The following BRPF3 variants were observed in gnomAD, a reference collection of about 807,000 sequenced individuals.
BRPF3 encodes bromodomain and PHD finger-containing protein 3.
In BRPF3, 18 loss-of-function variants were observed where a neutral mutation model predicts 102.0. The ratio of observed to expected loss-of-function variants is 0.18; its 90% CI spans 0.12 to 0.26. The LOEUF (loss-of-function observed/expected upper bound fraction) is 0.26, where lower values mean the gene tolerates loss of function less well. BRPF3 is among the 10% of genes least tolerant of loss of function. The probability of loss-of-function intolerance (pLI) is 1.00; values close to 1 mark genes in which losing one functional copy is unlikely to be tolerated. For synonymous variants in BRPF3, 570 were observed against 614.2 expected, an observed-to-expected ratio of 0.93 and a Z score of 1.06; for missense variants, 1,147 against 1,567.8, an observed-to-expected ratio of 0.73 and a Z score of 4.53.
intron 1 of BRPF3, among the ~76,000 whole-genome samples, chr6:36,198,002 G>C (rs1767566262): frequency 6.6e-6 from 1 of 152,110 alleles, no homozygotes; most frequent in Non-Finnish European, 1.5e-5. Flanking sequence ...GGAGGCAGAT[G>C]TTCTCACCTC....
At position 36,214,121 on chromosome 6, in the gene BRPF3, C is replaced by T. The variant is rs1484303459; in HGVS notation, c.2724C>T (p.Ser908=). The T allele has an allele frequency of 1.2e-6, 2 of 1,614,086 alleles. No individual in the cohort carries two copies. The highest frequency in any genetic ancestry group is 2.2e-5 in the East Asian group (1 of 44,904). ...GTGACAATGGCATCAACAGACTATC[C>T]CTCATGGCCCCTGACACCCCGGCCG... The part of the protein sequence containing the change: ...LLSDNGINRL[S]LMAPDTPAGT... Residue 908 remains serine (S), a synonymous_variant, in exon 8 of 13, where the codon TCC becomes TCT. Transcript: ENST00000357641.
chr6:36,199,241 G>C (rs1433827610), intron 1 of BRPF3, among the ~76,000 whole-genome samples: 1 of 152,192 alleles, frequency 6.6e-6, no homozygotes, highest in African/African-American at 2.4e-5. Context: ...TCTCATAGGA[G>C]CGCGAACCCT....
At chr6:36,225,880 A>G (rs1016574418) in intron 11 of BRPF3, among the ~76,000 whole-genome samples, 2 of 152,196 alleles carry the variant, frequency 1.3e-5, no homozygotes, top group Non-Finnish European at 2.9e-5. Flanking sequence ...CTGCAGGGAT[A>G]ACTTGGGGTG....
intron 4 of BRPF3, 123 bp downstream of exon 4, chr6:36,207,567 A>G: frequency 7.7e-7 from 1 of 1,297,636 alleles, no homozygotes; most frequent in Non-Finnish European, 1.0e-6. Context: ...CTCCCTACCC[A>G]GGATTGTAGG....
At chr6:36,229,417 C>T (rs112216675) in intron 12 of BRPF3, among the ~76,000 whole-genome samples, 28 of 152,214 alleles carry the variant, frequency 1.8e-4, no homozygotes, top group African/African-American at 6.5e-4. Context: ...GGAATTGGGC[C>T]TGTGCCTTTT....
rs778546779 is a variant in BRPF3 at position 36,200,843 on chromosome 6, A to C, written c.521A>C (p.Asp174Ala). Residue 174 changes from aspartate (D) to alanine (A), a missense_variant, in exon 2 of 13, where the codon GAT becomes GCT. Physicochemically the swap from Asp to Ala is moderately radical, Grantham distance 126. Transcript: ENST00000357641. The surrounding 1 kb of genome is among the most constrained non-coding windows in gnomAD (Gnocchi z 5.3). ...LDMVNEKRRV[D>A]GHSLVSADTF... is the part of the protein sequence containing the mutation. Reference sequence around the variant, plus strand: ...ATGGTGAATGAAAAACGGCGAGTAGATGGGCACAGTTTGGTGTCTGCAGAT... The same window carrying C: ...ATGGTGAATGAAAAACGGCGAGTAGCTGGGCACAGTTTGGTGTCTGCAGAT... The C allele has an allele frequency of 6.2e-7, 1 of 1,614,162 alleles. No homozygotes were observed. The highest frequency in any genetic ancestry group is 1.1e-5 in the South Asian group (1 of 91,084).
intron 11 of BRPF3, among the ~76,000 whole-genome samples, chr6:36,227,236 CTTGTTT>C (rs143257615): frequency 3.5e-4 from 52 of 150,404 alleles, no homozygotes; most frequent in Middle Eastern, 3.4e-3. Context: ...AACATTTTTT[CTTGTTT>C]TTGTTTTTGT....
In BRPF3 at chr6:36,230,360, C is replaced by A; in HGVS notation, c.3435-66C>A. On this transcript the variant is annotated intron_variant, in intron 12 of 12. Coordinates refer to ENST00000357641, the MANE Select transcript of BRPF3 (RefSeq NM_015695.3). This position sits in a 1 kb window ranked among gnomAD's most constrained non-coding sequence, Gnocchi z 5.4. ...CTTTGCTGGTCCTGGCCAAGTGGGGCCACAGGAGCCCGAGCCCCCTGTGAG... is the reference window on the plus strand; with the variant it reads ...CTTTGCTGGTCCTGGCCAAGTGGGGACACAGGAGCCCGAGCCCCCTGTGAG... The A allele has an allele frequency of 6.5e-7, 1 of 1,528,986 alleles. No homozygotes were observed. Among genetic ancestry groups the A allele is most frequent in the Non-Finnish European group, 9.0e-7 (1 of 1,115,166 alleles). 94.7% of individuals were successfully genotyped at this position (1,528,986 alleles called of 1,614,324 possible).
Position 36,228,899 on chromosome 6 carries a change from C to T in BRPF3, c.3280-3C>T. ...GAGTGCCCATCTTCTATTCTGCCTCCAGATCATCGATCCCAAGATGCCCCG... is the reference window on the plus strand; with the variant it reads ...GAGTGCCCATCTTCTATTCTGCCTCTAGATCATCGATCCCAAGATGCCCCG... On this transcript the variant is annotated splice_polypyrimidine_tract_variant and splice_region_variant and intron_variant, in intron 11 of 12. Coordinates refer to ENST00000357641, the MANE Select transcript of BRPF3 (RefSeq NM_015695.3). 1 of 1,613,944 alleles carries T rather than the reference C, an allele frequency of 6.2e-7. No individual in the cohort carries two copies. The highest frequency in any genetic ancestry group is 8.5e-7 in the Non-Finnish European group (1 of 1,179,892).
At chr6:36,215,123 T>G (rs1314591123) in intron 8 of BRPF3, among the ~76,000 whole-genome samples, 5 of 151,978 alleles carry the variant, frequency 3.3e-5, no homozygotes. Context: ...TTTTTTTGTT[T>G]TTTTGTTTTT....
Position 36,230,777 on chromosome 6 carries a change from A to T in BRPF3, c.*168A>T. ...CAAGGCCCCAGTTTTGACCAATCGCATGGTTCTCCTGGCAGGCCTGCTGTG... is the reference window on the plus strand; with the variant it reads ...CAAGGCCCCAGTTTTGACCAATCGCTTGGTTCTCCTGGCAGGCCTGCTGTG... On this transcript the variant is annotated 3_prime_UTR_variant, in exon 13 of 13. Transcript: ENST00000357641. The surrounding 1 kb of genome is among the most constrained non-coding windows in gnomAD (Gnocchi z 5.4). The T allele has an allele frequency of 1.2e-6, 1 of 853,574 alleles. No individual in the cohort carries two copies. The highest frequency in any genetic ancestry group is 1.8e-6 in the Non-Finnish European group (1 of 564,626). 52.9% of individuals were successfully genotyped at this position (853,574 alleles called of 1,614,324 possible). A position where few individuals can be genotyped will look rare whatever the true frequency, so the allele number is the denominator to read the frequency against.
chr6:36,218,161 A>C, intron 9 of BRPF3, 151 bp downstream of exon 9: 1 of 635,738 alleles, frequency 1.6e-6, no homozygotes, highest in Non-Finnish European at 2.7e-6. Context: ...TAACTCTGGG[A>C]GTTCCTAGGA....
At chr6:36,210,000 G>A (rs1390192424) in intron 5 of BRPF3, 85 bp downstream of exon 5, 1 of 1,561,492 alleles carries the variant, frequency 6.4e-7, no homozygotes, top group Non-Finnish European at 8.7e-7. Flanking sequence ...TGGGCCACAG[G>A]GTGTACAAAA....
At chr6:36,213,394 A>G (rs1168282000) in intron 7 of BRPF3, among the ~76,000 whole-genome samples, 1 of 151,908 alleles carries the variant, frequency 6.6e-6, no homozygotes, top group African/African-American at 2.4e-5. Context: ...TAGTGTAGAT[A>G]AAACTTACTT....
chr6:36,204,584 T>C, intron 2 of BRPF3, 74 bp from the exon 3 acceptor site: 2 of 1,551,772 alleles, frequency 1.3e-6, no homozygotes, highest in East Asian at 2.2e-5. Context: ...GAACCAGGTC[T>C]GGATAGGATG....
intron 7 of BRPF3, among the ~76,000 whole-genome samples, chr6:36,211,800 C>A (rs1329008945): frequency 6.6e-6 from 1 of 152,214 alleles, no homozygotes; most frequent in Non-Finnish European, 1.5e-5. Flanking sequence ...TTGGAGTGGG[C>A]TCCCAAAGGC....
intron 11 of BRPF3, 117 bp downstream of exon 11, chr6:36,225,481 G>GC (rs1561834811): frequency 3.7e-5 from 32 of 871,170 alleles, no homozygotes; most frequent in Non-Finnish European, 5.3e-5. Flanking sequence ...CTGTAGAGGG[G>GC]AGGGGGGTTT....
intron 7 of BRPF3, 142 bp downstream of exon 7, chr6:36,211,702 TC>T (rs1768121067): frequency 2.2e-6 from 2 of 920,606 alleles, no homozygotes; most frequent in Non-Finnish European, 3.2e-6. Flanking sequence ...GGGCCACACT[TC>T]CATGTATACG....
At chr6:36,197,590 A>C (rs1297279394) in intron 1 of BRPF3, 1 of 150,240 alleles carries the variant, frequency 6.7e-6, no homozygotes, top group East Asian at 2.0e-4. Context: ...CTAATTGCAG[A>C]AGCTCCTCAT....
Sources: gnomAD v4.1 joint callset for allele counts (sites outside exome capture counted in the v4.1 genomes callset) on GRCh38, gnomAD v4.1.1 for gene constraint, Gnocchi (gnomAD v3.1) non-coding constraint, MANE v1.5 for transcripts, NCBI Gene and HGNC (gene_info 2026-07-23, HGNC 2026-07-21) for gene names.